GAL3ST2: variants seen among roughly 807,000 people sequenced by gnomAD.
GAL3ST2 encodes beta-galactose-3-O-sulfotransferase 2.
In GAL3ST2, 16 loss-of-function variants were observed where a neutral mutation model predicts 12.9. The observed-to-expected ratio is 1.24, with a 90% CI of 0.84 to 1.88. GAL3ST2 has a LOEUF of 1.88. Ranked by LOEUF, GAL3ST2 falls within the 40% of genes most tolerant of loss-of-function variation. The pLI is 0.00. For missense variants in GAL3ST2, 639 were observed against 571.8 expected (o/e 1.12, Z -1.20); for synonymous variants, 302 against 273.9 (o/e 1.10, Z -1.01).
rs200028725 is a variant in GAL3ST2, at chr2:241,803,754, C to T, written c.785C>T (p.Ala262Val). 4,079 of 1,520,756 alleles carry T rather than the reference C, an allele frequency of 2.7e-3. 10 individuals carry two copies. Among genetic ancestry groups the T allele is most frequent in the Non-Finnish European group, 3.2e-3 (3,674 of 1,138,210 alleles). The allele number at this position is 1,520,756 out of a possible 1,614,324, so 94.2% of individuals were successfully genotyped here. A position where few individuals can be genotyped will look rare whatever the true frequency, so the allele number is the denominator to read the frequency against. ...AACTCCCGCAGCGCGCGCTCCGTGGCCCGCCTGTCGCCCGAGACCCGGGAG... is the reference window on the plus strand; with the variant it reads ...AACTCCCGCAGCGCGCGCTCCGTGGTCCGCCTGTCGCCCGAGACCCGGGAG... Reference protein sequence around the residue: ...RLNSRSARSVARLSPETRERA... With the variant: ...RLNSRSARSVVRLSPETRERA... Residue 262 changes from alanine (A) to valine (V), a missense_variant, in exon 4 of 4, where the codon GCC (alanine) becomes GTC (valine). Ala to Val is a moderately conservative substitution (Grantham distance 64). Coordinates refer to ENST00000192314, the MANE Select transcript of GAL3ST2 (RefSeq NM_022134.3).
rs568661750 is a variant in GAL3ST2 at position 241,793,655 on chromosome 2, CATAT to C, written c.30-5409_30-5406del. 8.3e-3 allele frequency among the ~76,000 whole-genome samples: 1,223 copies of C among 147,704 alleles called. 29 individuals are homozygous for C. Among genetic ancestry groups the C allele is most frequent in the African/African-American group, 0.028 (1,124 of 39,882 alleles). On this transcript the variant is annotated intron_variant, in intron 1 of 3. Coordinates refer to ENST00000192314, the MANE Select transcript of GAL3ST2 (RefSeq NM_022134.3). The surrounding 1 kb of genome is among the most constrained non-coding windows in gnomAD (Gnocchi z 4.7). ...TGTTTGTGTGTACATATTGTGTATG[CATAT>C]GTGTGTGTATGCACATATTGTGTAT...
At position 241,793,766 on chromosome 2, in the gene GAL3ST2, TA is replaced by T. The variant is rs1416086066; in HGVS notation, c.30-5298del. Reference sequence around the variant, plus strand: ...TATGTGTGTGTGTATTGTGTATGTGTAGTGTGTATTATTTGTGTGTGTGTGT... The same window carrying T: ...TATGTGTGTGTGTATTGTGTATGTGTGTGTGTATTATTTGTGTGTGTGTGT... On this transcript the variant is annotated intron_variant, in intron 1 of 3. Coordinates refer to ENST00000192314, the MANE Select transcript of GAL3ST2 (RefSeq NM_022134.3). This position sits in a 1 kb window ranked among gnomAD's most constrained non-coding sequence, Gnocchi z 4.7. 2.0e-5 allele frequency among the ~76,000 whole-genome samples: 3 copies of T among 151,876 alleles called. No homozygotes were observed. The highest frequency in any genetic ancestry group is 4.4e-5 in the Non-Finnish European group (3 of 67,940).
chr2:241,796,757 C>G (rs952723981), intron 1 of GAL3ST2, among the ~76,000 whole-genome samples: 5 of 152,066 alleles, frequency 3.3e-5, no homozygotes, highest in African/African-American at 1.2e-4. Flanking sequence ...GCTGAGCGCC[C>G]GGGGTAGATG....
Position 241,785,770 on chromosome 2 carries a change from CA to C in GAL3ST2, c.29+8792del, listed in dbSNP as rs1699620053. Among the ~76,000 whole-genome samples, 3 of 151,914 alleles carry C rather than the reference CA, an allele frequency of 2.0e-5. No individual in the cohort carries two copies. In the East Asian group the frequency reaches 5.8e-4, roughly 29 times the overall value. On this transcript the variant is annotated intron_variant, in intron 1 of 3. Transcript: ENST00000192314. ...CAGACCTCAGTCAACTGAGAAAAAA[CA>C]AAAAACTTTTGCTCAAAAAAAGGAC... is the stretch of plus-strand genomic sequence containing the variant.
intron 1 of GAL3ST2, among the ~76,000 whole-genome samples, chr2:241,780,350 C>A (rs183574768): frequency 6.6e-6 from 1 of 152,212 alleles, no homozygotes; most frequent in Non-Finnish European, 1.5e-5. Flanking sequence ...GAAACCCCAT[C>A]TCTACTAAAA....
intron 1 of GAL3ST2, among the ~76,000 whole-genome samples, chr2:241,779,378 C>T (rs551275415): frequency 2.0e-5 from 3 of 151,404 alleles, no homozygotes; most frequent in African/African-American, 4.8e-5. Flanking sequence ...GGACTACAGG[C>T]GCCCGCCACC....
rs749201220 is a variant in GAL3ST2 at position 241,793,299 on chromosome 2, C to T, written c.30-5766C>T. Among the ~76,000 whole-genome samples, 2 of 151,978 alleles carry T rather than the reference C, an allele frequency of 1.3e-5. No homozygotes were observed. The highest frequency in any genetic ancestry group is 3.2e-3 in the Middle Eastern group (1 of 314). On this transcript the variant is annotated intron_variant, in intron 1 of 3. Transcript: ENST00000192314. This position sits in a 1 kb window ranked among gnomAD's most constrained non-coding sequence, Gnocchi z 4.7. ...CCAGCGAGCTGGTCAGAAGGAACCG[C>T]AGGGGGATGTGTGTGTCCGTGTGTG...
At position 241,786,139 on chromosome 2, in the gene GAL3ST2, T is replaced by TGTGTGTGTGTGTGTGTGTG. The variant is rs1553615798; in HGVS notation, c.29+9155_29+9156insGTGTGTGTGTGTGTGTGTG. ...ATCTTTCTCCCCCACCACACACCTT[T>TGTGTGTGTGTGTGTGTGTG]TGTGTGTGTGTGTGTGTGTGTGTGT... On this transcript the variant is annotated intron_variant, in intron 1 of 3. Coordinates refer to ENST00000192314, the MANE Select transcript of GAL3ST2 (RefSeq NM_022134.3). Among the ~76,000 whole-genome samples the TGTGTGTGTGTGTGTGTGTG allele has an allele frequency of 1.4e-3, 211 of 145,946 alleles. No homozygotes were observed. The East Asian group carries it at 0.016, about 11-fold the overall frequency.
chr2:241,786,031 A>G (rs1478859627), intron 1 of GAL3ST2, among the ~76,000 whole-genome samples: 2 of 152,188 alleles, frequency 1.3e-5, no homozygotes, highest in African/African-American at 2.4e-5. Context: ...CTGGCTAGCA[A>G]AAAGGTGGTC....
intron 1 of GAL3ST2, among the ~76,000 whole-genome samples, chr2:241,778,469 A>G (rs1228743876): frequency 2.0e-5 from 3 of 152,248 alleles, no homozygotes; most frequent in East Asian, 1.9e-4. Context: ...TGATTCAGGC[A>G]CAAAACTCTG....
intron 1 of GAL3ST2, among the ~76,000 whole-genome samples, chr2:241,798,850 G>C (rs2125196010): frequency 6.6e-6 from 1 of 152,118 alleles, no homozygotes; most frequent in African/African-American, 2.4e-5. Flanking sequence ...AAGCCATTCA[G>C]GGGTGGTCGG....
At position 241,802,402 on chromosome 2, in the gene GAL3ST2, G is replaced by A. The variant is rs2125197985; in HGVS notation, c.375+366G>A. Among the ~76,000 whole-genome samples the A allele has an allele frequency of 6.6e-6, 1 of 152,288 alleles. No homozygotes were observed. The highest frequency in any genetic ancestry group is 1.9e-4 in the East Asian group (1 of 5,192). On this transcript the variant is annotated intron_variant, in intron 3 of 3. Transcript: ENST00000192314. The surrounding 1 kb of genome is among the most constrained non-coding windows in gnomAD (Gnocchi z 4.8). The stretch of plus-strand genomic sequence containing the variant: ...TTTGGGTCCCTTGGGTCTCAGCATA[G>A]AGCCGGCTTCCCCCCAGGGCTTCCC...
rs991927028 is a variant in GAL3ST2 at position 241,803,921 on chromosome 2, G to T, written c.952G>T (p.Ala318Ser). The T allele has an allele frequency of 2.8e-6, 4 of 1,425,800 alleles. No homozygotes were observed. The highest frequency in any genetic ancestry group is 3.6e-6 in the Non-Finnish European group (4 of 1,095,944). The allele number at this position is 1,425,800 out of a possible 1,614,324, so 88.3% of individuals were successfully genotyped here. Reference sequence around the variant, plus strand: ...GCTGCGCGCCCGGAGGCGCGAACTCGCGAGCCTGTGCCTGCAGGACGGCGG... The same window carrying T: ...GCTGCGCGCCCGGAGGCGCGAACTCTCGAGCCTGTGCCTGCAGGACGGCGG... Reference protein sequence around the residue: ...ERLRARRRELASLCLQDGGAL... With the variant: ...ERLRARRRELSSLCLQDGGAL... Residue 318 changes from alanine (A) to serine (S), a missense_variant, in exon 4 of 4, where the codon GCG becomes TCG. Ala to Ser is a moderately conservative substitution (Grantham distance 99). Coordinates refer to ENST00000192314, the MANE Select transcript of GAL3ST2 (RefSeq NM_022134.3).
intron 1 of GAL3ST2, among the ~76,000 whole-genome samples, chr2:241,778,093 T>C (rs1575359813): frequency 6.6e-6 from 1 of 152,306 alleles, no homozygotes; most frequent in South Asian, 2.1e-4. Flanking sequence ...GCTCCGGGTG[T>C]CCCAGGCTTC....
At position 241,800,371 on chromosome 2, in the gene GAL3ST2, G is replaced by A. The variant is rs1020788034; in HGVS notation, c.119+1217G>A. Among the ~76,000 whole-genome samples the A allele has an allele frequency of 2.0e-5, 3 of 151,968 alleles. No homozygotes were observed. On this transcript the variant is annotated intron_variant, in intron 2 of 3. Transcript: ENST00000192314. The surrounding 1 kb of genome is among the most constrained non-coding windows in gnomAD (Gnocchi z 5.2). Reference sequence around the variant, plus strand: ...GGGAGCGGGCACTTCGAGGGAGGGGGTGGGACAGGGGCTTACGCTGAACGG... The same window carrying A: ...GGGAGCGGGCACTTCGAGGGAGGGGATGGGACAGGGGCTTACGCTGAACGG...
At position 241,795,315 on chromosome 2, in the gene GAL3ST2, G is replaced by A. The variant is rs1327413488; in HGVS notation, c.30-3750G>A. ...AAGGCTGTAGCATTTCTCTGGAAACGTCATTGTTTTAATTGGGCAGTTGCA... is the reference window on the plus strand; with the variant it reads ...AAGGCTGTAGCATTTCTCTGGAAACATCATTGTTTTAATTGGGCAGTTGCA... On this transcript the variant is annotated intron_variant, in intron 1 of 3. Transcript: ENST00000192314. The surrounding 1 kb of genome is among the most constrained non-coding windows in gnomAD (Gnocchi z 4.5). Among the ~76,000 whole-genome samples the A allele has an allele frequency of 6.6e-6, 1 of 152,196 alleles. No individual in the cohort carries two copies. Among genetic ancestry groups the A allele is most frequent in the Non-Finnish European group, 1.5e-5 (1 of 68,036 alleles).
chr2:241,802,136 C>A lies in GAL3ST2; in HGVS notation c.375+100C>A. On this transcript the variant is annotated intron_variant, in intron 3 of 3. Transcript: ENST00000192314. The surrounding 1 kb of genome is among the most constrained non-coding windows in gnomAD (Gnocchi z 4.8). ...GAGGCTGGAGAGAAGGAGTGTAAGG[C>A]TTGGGGGCGGGGCGTGCAGAAGGCG... The A allele has an allele frequency of 3.1e-6, 4 of 1,280,016 alleles. No individual in the cohort carries two copies. The highest frequency in any genetic ancestry group is 1.5e-5 in the African/African-American group (1 of 67,604). The allele number at this position is 1,280,016 out of a possible 1,614,324, so 79.3% of individuals were successfully genotyped here.
At chr2:241,796,656 G>A (rs967055111) in intron 1 of GAL3ST2, among the ~76,000 whole-genome samples, 1 of 152,186 alleles carries the variant, frequency 6.6e-6, no homozygotes, top group Non-Finnish European at 1.5e-5. Context: ...TGGCCGGGGG[G>A]AGCAGGGCCG....
Position 241,803,965 on chromosome 2 carries a change from G to C in GAL3ST2, c.996G>C (p.Thr332=). ...LQDGGALKNH[T]QIRDPRLRPY... is the part of the protein sequence containing the mutation. ...ACGGCGGCGCGCTCAAGAACCACACGCAGATCAGAGACCCGCGCCTGCGCC... is the reference window on the plus strand; with the variant it reads ...ACGGCGGCGCGCTCAAGAACCACACCCAGATCAGAGACCCGCGCCTGCGCC... The change falls in exon 4 of 4, where the codon ACG becomes ACC. Residue 332 remains threonine, a synonymous_variant. Transcript: ENST00000192314. The C allele has an allele frequency of 1.3e-6, 2 of 1,518,704 alleles. No individual in the cohort carries two copies. The highest frequency in any genetic ancestry group is 1.8e-6 in the Non-Finnish European group (2 of 1,136,862). The allele number at this position is 1,518,704 out of a possible 1,614,324, so 94.1% of individuals were successfully genotyped here.
Sources: allele counts gnomAD v4.1 joint callset (sites outside exome capture counted in the v4.1 genomes callset), GRCh38; gene constraint gnomAD v4.1.1; non-coding constraint Gnocchi (gnomAD v3.1); transcripts MANE v1.5; gene names NCBI Gene and HGNC (gene_info 2026-07-23, HGNC 2026-07-21).